Variants in DOCK1 observed in about 807,000 individuals in gnomAD.
DOCK1 encodes dedicator of cytokinesis protein 1.
A neutral mutation model predicts 262.7 loss-of-function variants in DOCK1; 138 were observed. The ratio of observed to expected loss-of-function variants is 0.53; its 90% CI spans 0.46 to 0.61. The LOEUF is 0.61. Among genes scored for constraint, DOCK1 ranks in the 20% least tolerant of loss-of-function variants. DOCK1 has a pLI of 0.00. For synonymous variants in DOCK1, 866 were observed against 867.4 expected, an observed-to-expected ratio of 1.00 and a Z score of 0.03; for missense variants, 1,908 against 2,370.7, an observed-to-expected ratio of 0.80 and a Z score of 4.05.
intron 45 of DOCK1, 46 bp downstream of exon 45, chr10:127,418,587 G>T (rs975081113): frequency 1.7e-5 from 27 of 1,561,986 alleles, no homozygotes; most frequent in East Asian, 2.3e-5. Flanking sequence ...CCTGCCCGGG[G>T]ACAGACTGAA....
chr10:127,362,879 A>ACACGCG, intron 33 of DOCK1, among the ~76,000 whole-genome samples: 1 of 133,358 alleles, frequency 7.5e-6, no homozygotes, highest in East Asian at 2.3e-4. Context: ...ACACACATAC[A>ACACGCG]CATCCCCACA....
chr10:126,910,396 G>A (rs558720079), intron 1 of DOCK1, among the ~76,000 whole-genome samples: 149 of 152,358 alleles, frequency 9.8e-4, no homozygotes, highest in African/African-American at 3.5e-3. Flanking sequence ...GGTGTCCTTT[G>A]CTGGGTGTGG....
chr10:127,384,234 A>T (rs1474281981), intron 37 of DOCK1, among the ~76,000 whole-genome samples: 1 of 152,162 alleles, frequency 6.6e-6, no homozygotes, highest in East Asian at 1.9e-4. Context: ...GTGCATCTTC[A>T]GCTCACACGC....
chr10:126,999,604 T>C (rs2040441011), intron 9 of DOCK1, among the ~76,000 whole-genome samples, 169 bp downstream of exon 9: 1 of 152,246 alleles, frequency 6.6e-6, no homozygotes. Context: ...CATCTGAGTC[T>C]CTAGCCACCC....
intron 29 of DOCK1, among the ~76,000 whole-genome samples, chr10:127,272,508 T>G (rs1449964239): frequency 6.6e-6 from 1 of 152,250 alleles, no homozygotes; most frequent in Admixed American, 6.5e-5. Context: ...TTTTGCTGGC[T>G]GACTGAATGG....
At chr10:127,279,279 C>T (rs2060857678) in intron 29 of DOCK1, among the ~76,000 whole-genome samples, 1 of 152,172 alleles carries the variant, frequency 6.6e-6, no homozygotes, top group Non-Finnish European at 1.5e-5. Context: ...TTAGGGCAGG[C>T]CATACTTTAC....
chr10:126,941,255 G>A (rs2034956501), intron 1 of DOCK1, among the ~76,000 whole-genome samples: 2 of 152,108 alleles, frequency 1.3e-5, no homozygotes, highest in South Asian at 2.1e-4. Flanking sequence ...AAGTTTGATG[G>A]GATGTATCCT....
At chr10:127,258,765 C>T (rs921450540) in intron 29 of DOCK1, among the ~76,000 whole-genome samples, 8 of 152,244 alleles carry the variant, frequency 5.3e-5, no homozygotes, top group South Asian at 2.1e-4. Context: ...GTAAGTGATT[C>T]GGTTGCTCCG....
intron 29 of DOCK1, among the ~76,000 whole-genome samples, chr10:127,310,723 A>G (rs2062034255): frequency 1.3e-5 from 2 of 152,170 alleles, no homozygotes; most frequent in African/African-American, 4.8e-5. Flanking sequence ...CAGCCCAATG[A>G]TTTAAGATTA....
chr10:127,106,982 G>A (rs981691738), intron 24 of DOCK1, among the ~76,000 whole-genome samples: 5 of 151,968 alleles, frequency 3.3e-5, no homozygotes, highest in African/African-American at 1.2e-4. Flanking sequence ...TAAGAGATAG[G>A]GGTCTCACTC....
intron 43 of DOCK1, among the ~76,000 whole-genome samples, chr10:127,411,701 G>A (rs1051024398): frequency 1.1e-4 from 16 of 151,964 alleles, no homozygotes; most frequent in African/African-American, 3.4e-4. Flanking sequence ...TTAGCCGGGC[G>A]TGGTGGTGCA....
At position 127,418,355 on chromosome 10, in the gene DOCK1, C is replaced by T; in HGVS notation, c.4516-10C>T. The T allele has an allele frequency of 6.2e-7, 1 of 1,602,320 alleles. No homozygotes were observed. Among genetic ancestry groups the T allele is most frequent in the South Asian group, 1.1e-5 (1 of 89,370 alleles). On this transcript the variant is annotated splice_polypyrimidine_tract_variant and intron_variant, in intron 44 of 51. Transcript: ENST00000623213. ...TGGGGCTGACATCGGGCTCTCCTCT[C>T]TCTTTGCAGGTGGAAATCAGCCCCC...
chr10:127,214,414 G>A (rs4522083), intron 27 of DOCK1, among the ~76,000 whole-genome samples: 33,938 of 152,056 alleles, frequency 0.22, 4,570 homozygotes, highest in Middle Eastern at 0.37. Flanking sequence ...TCCTTTTGCC[G>A]TTTATAGAAG....
chr10:127,425,501 AT>A (rs2068758213), intron 46 of DOCK1, among the ~76,000 whole-genome samples: 3 of 152,186 alleles, frequency 2.0e-5, no homozygotes, highest in African/African-American at 7.2e-5. Flanking sequence ...CGTAAAGGCA[AT>A]ATTCTTAGCT....
intron 27 of DOCK1, among the ~76,000 whole-genome samples, chr10:127,144,964 A>G (rs1259516845): frequency 7.1e-6 from 1 of 139,900 alleles, no homozygotes; most frequent in Admixed American, 6.8e-5. Context: ...TTAAAAAAGC[A>G]TTAGCCAGAT....
intron 30 of DOCK1, among the ~76,000 whole-genome samples, chr10:127,342,243 G>A (rs11017421): frequency 0.27 from 40,996 of 151,904 alleles, 6,204 homozygotes; most frequent in East Asian, 0.66. Flanking sequence ...GATTCCTGCC[G>A]GTGCTGTGGC....
chr10:127,318,090 A>T (rs2062360655), intron 29 of DOCK1, among the ~76,000 whole-genome samples: 1 of 152,200 alleles, frequency 6.6e-6, no homozygotes, highest in African/African-American at 2.4e-5. Flanking sequence ...ATAAGGACAC[A>T]ACTAGATATT....
chr10:127,361,193 G>A lies in DOCK1; in HGVS notation c.3284-871G>A, dbSNP rs554609985. ...CACTGGCGTGATCTTGGCTCACTGC[G>A]ACCTCTTCCTCCCAGGTTCACGCCA... On this transcript the variant is annotated intron_variant, in intron 32 of 51. Coordinates refer to ENST00000623213, the MANE Select transcript of DOCK1 (RefSeq NM_001290223.2). Among the ~76,000 whole-genome samples, 9 of 142,306 alleles carry A rather than the reference G, an allele frequency of 6.3e-5. No individual in the cohort carries two copies. In the South Asian group the frequency reaches 6.8e-4, roughly 11 times the overall value. 93.4% of individuals were successfully genotyped at this position (142,306 alleles called of 152,430 possible). A position where few individuals can be genotyped will look rare whatever the true frequency, so the allele number is the denominator to read the frequency against.
intron 29 of DOCK1, among the ~76,000 whole-genome samples, chr10:127,331,472 G>A (rs1436646878): frequency 2.0e-5 from 3 of 152,042 alleles, no homozygotes; most frequent in Admixed American, 6.6e-5. Context: ...AGTAGAGATG[G>A]GGTTTCACCA....
Sources: allele counts gnomAD v4.1 joint callset (sites outside exome capture counted in the v4.1 genomes callset), GRCh38; gene constraint gnomAD v4.1.1; transcripts MANE v1.5; gene names NCBI Gene and HGNC (gene_info 2026-07-23, HGNC 2026-07-21).